ARHGEF2: variants seen among roughly 807,000 people sequenced by gnomAD.
ARHGEF2 encodes Rho/Rac guanine nucleotide exchange factor 2.
In ARHGEF2, 22 loss-of-function variants were observed where a neutral mutation model predicts 121.0. That is an observed-to-expected ratio of 0.18 (90% CI 0.13 to 0.26). The LOEUF (loss-of-function observed/expected upper bound fraction) is 0.26, where lower values mean the gene tolerates loss of function less well. Ranked by LOEUF, ARHGEF2 falls within the 10% of genes least tolerant of loss-of-function variation. The probability of loss-of-function intolerance (pLI) is 1.00; values close to 1 mark genes in which losing one functional copy is unlikely to be tolerated. For missense variants in ARHGEF2, 907 were observed against 1,336.0 expected (o/e 0.68, Z 5.01); for synonymous variants, 487 against 530.0 (o/e 0.92, Z 1.11).
Position 155,978,484 on chromosome 1 carries a change from G to C in ARHGEF2, c.-57C>G. 1 of 1,371,450 alleles carries C rather than the reference G, an allele frequency of 7.3e-7. No homozygotes were observed. 85.0% of individuals were successfully genotyped at this position (1,371,450 alleles called of 1,614,324 possible). On this transcript the variant is annotated 5_prime_UTR_variant, in exon 1 of 22. Coordinates refer to ENST00000361247, the MANE Select transcript of ARHGEF2 (RefSeq NM_001162383.2). The surrounding 1 kb of genome is among the most constrained non-coding windows in gnomAD (Gnocchi z 4.1). ...GCGGACCCCGGCGTCCTGTATTGTTGGGGGAAGGCGGGGGGAGGGGTTCGG... is the reference window on the plus strand; with the variant it reads ...GCGGACCCCGGCGTCCTGTATTGTTCGGGGAAGGCGGGGGGAGGGGTTCGG...
chr1:155,966,388 GGA>G (rs1308240878), intron 4 of ARHGEF2, 26 bp downstream of exon 4: 1 of 1,613,090 alleles, frequency 6.2e-7, no homozygotes, highest in South Asian at 1.1e-5. Flanking sequence ...GGGTCTTAGG[GGA>G]CCTCCTCCAC....
Position 155,965,410 on chromosome 1 carries a change from T to G in ARHGEF2, c.473A>C (p.His158Pro). ...KSVSTTNIAG[H>P]FNDESPLGLR... Reference sequence around the variant, plus strand: ...CCCCAGGGGAGACTCATCATTGAAATGTCTGAAGAAAGTGGAGGCTGTCTG... The same window carrying G: ...CCCCAGGGGAGACTCATCATTGAAAGGTCTGAAGAAAGTGGAGGCTGTCTG... Residue 158 changes from histidine (H) to proline (P), a missense_variant and splice_region_variant, in exon 6 of 22, where the codon CAT becomes CCT. Physicochemically the swap from His to Pro is moderately conservative, Grantham distance 77 (BLOSUM62 -2). Transcript: ENST00000361247. The surrounding 1 kb of genome is among the most constrained non-coding windows in gnomAD (Gnocchi z 6.0). 6.2e-7 allele frequency: 1 copy of G among 1,613,988 alleles called. No homozygotes were observed. Among genetic ancestry groups the G allele is most frequent in the Non-Finnish European group, 8.5e-7 (1 of 1,179,886 alleles).
chr1:155,950,228 G>T lies in ARHGEF2; in HGVS notation c.2887+71C>A. ...TCACAGGTCAGTTAGGGCCCATTTGGAAGCCACAGCCCAATGGCCTGTACC... is the reference window on the plus strand; with the variant it reads ...TCACAGGTCAGTTAGGGCCCATTTGTAAGCCACAGCCCAATGGCCTGTACC... On this transcript the variant is annotated intron_variant, in intron 21 of 21. Coordinates refer to ENST00000361247, the MANE Select transcript of ARHGEF2 (RefSeq NM_001162383.2). This position sits in a 1 kb window ranked among gnomAD's most constrained non-coding sequence, Gnocchi z 5.2. The T allele has an allele frequency of 6.4e-7, 1 of 1,564,316 alleles. No homozygotes were observed.
At position 155,950,242 on chromosome 1, in the gene ARHGEF2, A is replaced by G. The variant is rs764300507; in HGVS notation, c.2887+57T>C. 2.2e-4 allele frequency: 348 copies of G among 1,588,584 alleles called. No individual in the cohort carries two copies. Among genetic ancestry groups the G allele is most frequent in the Middle Eastern group, 2.3e-4 (1 of 4,426 alleles). ...GGGCCCATTTGGAAGCCACAGCCCA[A>G]TGGCCTGTACCCAGGCTGCACTCTA... On this transcript the variant is annotated intron_variant, in intron 21 of 21. Coordinates refer to ENST00000361247, the MANE Select transcript of ARHGEF2 (RefSeq NM_001162383.2). The surrounding 1 kb of genome is among the most constrained non-coding windows in gnomAD (Gnocchi z 5.2).
chr1:155,950,227 G>C lies in ARHGEF2; in HGVS notation c.2887+72C>G. ...CTCACAGGTCAGTTAGGGCCCATTT[G>C]GAAGCCACAGCCCAATGGCCTGTAC... On this transcript the variant is annotated intron_variant, in intron 21 of 21. Transcript: ENST00000361247. The surrounding 1 kb of genome is among the most constrained non-coding windows in gnomAD (Gnocchi z 5.2). 6.4e-7 allele frequency: 1 copy of C among 1,561,478 alleles called. No individual in the cohort carries two copies. The highest frequency in any genetic ancestry group is 8.7e-7 in the Non-Finnish European group (1 of 1,151,816).
At chr1:155,958,735 T>G (rs1014045542) in intron 11 of ARHGEF2, among the ~76,000 whole-genome samples, 5 of 151,712 alleles carry the variant, frequency 3.3e-5, no homozygotes. Flanking sequence ...TGTGCCACCA[T>G]GCCCGGCTAA....
rs1007665014 is a variant in ARHGEF2 at position 155,965,236 on chromosome 1, A to G, written c.580+67T>C. ...CTCCTTGTCCTTCCAGGCTACTCCC[A>G]CCAGCCTCTCATCCCCCAGCCCCTC... On this transcript the variant is annotated intron_variant, in intron 6 of 21. Coordinates refer to ENST00000361247, the MANE Select transcript of ARHGEF2 (RefSeq NM_001162383.2). This position sits in a 1 kb window ranked among gnomAD's most constrained non-coding sequence, Gnocchi z 6.0. The G allele has an allele frequency of 1.2e-6, 2 of 1,604,884 alleles. No individual in the cohort carries two copies. Among genetic ancestry groups the G allele is most frequent in the African/African-American group, 2.7e-5 (2 of 74,604 alleles).
rs1346406211 is a variant in ARHGEF2, at chr1:155,952,742, C to T, written c.1870G>A (p.Glu624Lys). 3 of 1,614,200 alleles carry T rather than the reference C, an allele frequency of 1.9e-6. No individual in the cohort carries two copies. Among genetic ancestry groups the T allele is most frequent in the Non-Finnish European group, 1.7e-6 (2 of 1,180,040 alleles). The change falls in exon 15 of 22, where the codon GAA (glutamate) becomes AAA (lysine). Residue 624 changes from glutamate (E) to lysine (K), a missense_variant. Coordinates refer to ENST00000361247, the MANE Select transcript of ARHGEF2 (RefSeq NM_001162383.2). Reference protein sequence around the residue: ...LFAEMTHFQAEEDGGSGMALP... With the variant: ...LFAEMTHFQAKEDGGSGMALP... Reference sequence around the variant, plus strand: ...GCCATCCCACTGCCACCATCCTCTTCGGCCTGGAAATGGGTCATCTCAGCA... The same window carrying T: ...GCCATCCCACTGCCACCATCCTCTTTGGCCTGGAAATGGGTCATCTCAGCA...
intron 1 of ARHGEF2, among the ~76,000 whole-genome samples, chr1:155,973,234 C>T (rs1680772207): frequency 6.6e-6 from 1 of 152,100 alleles, no homozygotes; most frequent in Non-Finnish European, 1.5e-5. Flanking sequence ...TCAGTAGCAC[C>T]CTGGCCCCTA....
chr1:155,966,881 T>C lies in ARHGEF2; in HGVS notation c.215A>G (p.Asn72Ser). ...TTTACAGCGGTTGTGGATAGTCACA[T>C]TGCAGGCTGGGAGGGTGGGGTAGAG... ...AKEALICPTC[N>S]VTIHNRCKDT... The change falls in exon 3 of 22, where the codon AAT (asparagine) becomes AGT (serine). Residue 72 changes from asparagine (N) to serine (S), a missense_variant. By Grantham distance (46) the Asn-to-Ser change is conservative. This residue lies in a region of ARHGEF2 where 475 missense variants were observed against 776.5 expected (regional missense o/e 0.61). Transcript: ENST00000361247. 6.2e-7 allele frequency: 1 copy of C among 1,613,636 alleles called. No individual in the cohort carries two copies.
intron 14 of ARHGEF2, among the ~76,000 whole-genome samples, chr1:155,953,324 T>C (rs1675911105): frequency 6.6e-6 from 1 of 151,604 alleles, no homozygotes; most frequent in African/African-American, 2.4e-5. Context: ...GTGTTCATTC[T>C]TTCCATCTTC....
intron 21 of ARHGEF2, among the ~76,000 whole-genome samples, chr1:155,949,858 C>G (rs1003534003): frequency 4.0e-5 from 6 of 151,898 alleles, no homozygotes. Context: ...GCCCAGGCAA[C>G]AGTGCAAGAC....
chr1:155,973,181 C>T (rs1311181213), intron 1 of ARHGEF2, among the ~76,000 whole-genome samples: 2 of 152,110 alleles, frequency 1.3e-5, no homozygotes, highest in African/African-American at 2.4e-5. Context: ...AGGAAGGAAG[C>T]AAAGAAGCAA....
chr1:155,949,441 G>A (rs1162615295), intron 21 of ARHGEF2, among the ~76,000 whole-genome samples: 1 of 151,566 alleles, frequency 6.6e-6, no homozygotes, highest in East Asian at 1.9e-4. Context: ...TTAGCTGGGC[G>A]TGGAGGCATG....
At chr1:155,952,078 TC>T (rs1675590298) in intron 16 of ARHGEF2, 37 bp downstream of exon 16, 1 of 1,614,052 alleles carries the variant, frequency 6.2e-7, no homozygotes, top group Non-Finnish European at 8.5e-7. Context: ...CTTTGGCCCC[TC>T]CCACCTACTA....
At chr1:155,966,589 G>A (rs779916784) in intron 3 of ARHGEF2, 110 bp from the exon 4 acceptor site, 15 of 1,243,658 alleles carry the variant, frequency 1.2e-5, no homozygotes, top group Non-Finnish European at 1.8e-5. Flanking sequence ...GAGAAAGCTG[G>A]CACTATGGTT....
At chr1:155,977,956 G>A (rs562790867) in intron 1 of ARHGEF2, 7 of 399,218 alleles carry the variant, frequency 1.8e-5, no homozygotes, top group Non-Finnish European at 2.4e-5. Flanking sequence ...GTGATGGGGG[G>A]TCGCCACGCC....
chr1:155,952,202 C>A lies in ARHGEF2; in HGVS notation c.2018G>T (p.Gly673Val). 6.2e-7 allele frequency: 1 copy of A among 1,614,150 alleles called. No homozygotes were observed. Among genetic ancestry groups the A allele is most frequent in the Non-Finnish European group, 8.5e-7 (1 of 1,180,018 alleles). Residue 673 changes from glycine (G) to valine (V), a missense_variant, in exon 16 of 22, where the codon GGA becomes GTA. By Grantham distance (109) the Gly-to-Val change is moderately radical. Coordinates refer to ENST00000361247, the MANE Select transcript of ARHGEF2 (RefSeq NM_001162383.2). ...EGLKDLLVGP[G>V]VELLLTPREP... ...TCGGGGTGTCAAGAGCAGTTCCACT[C>A]CTGGCCCCACCAGCAGGTCTTTCAG...
At chr1:155,967,723 G>A (rs1442711416) in intron 2 of ARHGEF2, among the ~76,000 whole-genome samples, 1 of 152,114 alleles carries the variant, frequency 6.6e-6, no homozygotes, top group Non-Finnish European at 1.5e-5. Context: ...CTTGCCATGG[G>A]GTAGGAGAGA....
Sources: allele counts gnomAD v4.1 joint callset (sites outside exome capture counted in the v4.1 genomes callset), GRCh38; gene constraint gnomAD v4.1.1; regional missense constraint gnomAD v4.1.1; non-coding constraint Gnocchi (gnomAD v3.1); transcripts MANE v1.5; gene names NCBI Gene and HGNC (gene_info 2026-07-23, HGNC 2026-07-21).